Variants in VEPH1 observed in about 807,000 individuals in gnomAD.
VEPH1 encodes ventricular zone-expressed PH domain-containing protein homolog 1.
In VEPH1, 80 loss-of-function variants were observed where a neutral mutation model predicts 85.2. The ratio of observed to expected loss-of-function variants is 0.94; its 90% CI spans 0.78 to 1.13. VEPH1 has a LOEUF of 1.13. VEPH1 is among the 50% of genes most tolerant of loss of function. VEPH1 has a pLI of 0.00. For synonymous variants in VEPH1, 297 were observed against 348.0 expected (o/e 0.85, Z 1.63); for missense variants, 955 against 980.5 (o/e 0.97, Z 0.35).
At chr3:157,392,647 AT>A (rs1402856092) in intron 6 of VEPH1, among the ~76,000 whole-genome samples, 2 of 152,182 alleles carry the variant, frequency 1.3e-5, no homozygotes, top group Non-Finnish European at 2.9e-5. Flanking sequence ...ATATCTCATA[AT>A]GTTTTAAGAA....
At chr3:157,391,163 G>A (rs1247876134) in intron 6 of VEPH1, among the ~76,000 whole-genome samples, 2 of 152,250 alleles carry the variant, frequency 1.3e-5, no homozygotes, top group Non-Finnish European at 2.9e-5. Context: ...AGTAGTGTGA[G>A]TCAAGCACAG....
At chr3:157,369,203 A>AAAAAAAAAAAAAAAAAAAC (rs1432731941) in intron 7 of VEPH1, among the ~76,000 whole-genome samples, 1 of 148,962 alleles carries the variant, frequency 6.7e-6, no homozygotes, top group Non-Finnish European at 1.5e-5. Context: ...AAAAAAAAAA[A>AAAAAAAAAAAAAAAAAAAC]ACCTCCTGAG....
At chr3:157,414,138 A>G in intron 5 of VEPH1, 48 bp from the exon 6 acceptor site, 1 of 1,434,402 alleles carries the variant, frequency 7.0e-7, no homozygotes, top group South Asian at 1.2e-5. Flanking sequence ...GAAGAAAGAG[A>G]AAAGTTAATT....
chr3:157,377,721 C>A (rs899544947), intron 7 of VEPH1, among the ~76,000 whole-genome samples: 5 of 152,116 alleles, frequency 3.3e-5, no homozygotes, highest in African/African-American at 1.2e-4. Context: ...CCTTTGCTGT[C>A]TTCCATGATT....
intron 9 of VEPH1, among the ~76,000 whole-genome samples, chr3:157,336,082 C>T (rs1722940224): frequency 6.6e-6 from 1 of 152,156 alleles, no homozygotes; most frequent in Non-Finnish European, 1.5e-5. Flanking sequence ...TCAATGAGTA[C>T]TAAGAGTGAC....
chr3:157,323,285 G>T lies in VEPH1; in HGVS notation c.1736-6084C>A, dbSNP rs567098564. On this transcript the variant is annotated intron_variant, in intron 9 of 13. Transcript: ENST00000362010. ...AATAATGAATTTGAAATAACTGTTTGAAATTACATCAAATAATTATTCATG... is the reference window on the plus strand; with the variant it reads ...AATAATGAATTTGAAATAACTGTTTTAAATTACATCAAATAATTATTCATG... Among the ~76,000 whole-genome samples the T allele has an allele frequency of 5.9e-5, 9 of 152,278 alleles. No homozygotes were observed. In the South Asian group the frequency reaches 1.9e-3, roughly 32 times the overall value.
intron 12 of VEPH1, among the ~76,000 whole-genome samples, chr3:157,280,038 CAGTAT>C (rs1715899548): frequency 1.4e-5 from 2 of 145,324 alleles, no homozygotes; most frequent in Non-Finnish European, 3.0e-5. Flanking sequence ...AAAAAAGGAC[CAGTAT>C]AGTACCAGTA....
chr3:157,429,706 T>TCCACCTCCTGG (rs1733003129), intron 4 of VEPH1, among the ~76,000 whole-genome samples: 1 of 152,246 alleles, frequency 6.6e-6, no homozygotes, highest in African/African-American at 2.4e-5. Context: ...TTTTGTTTTC[T>TCCACCTCCTGG]GTTTATTTTA....
chr3:157,326,415 T>A (rs1267132141), intron 9 of VEPH1, among the ~76,000 whole-genome samples: 2 of 152,194 alleles, frequency 1.3e-5, no homozygotes, highest in Non-Finnish European at 2.9e-5. Flanking sequence ...GAATTAATTT[T>A]TTTAACTGCC....
intron 9 of VEPH1, among the ~76,000 whole-genome samples, chr3:157,340,682 C>T (rs1038028023): frequency 1.3e-5 from 2 of 152,200 alleles, no homozygotes; most frequent in African/African-American, 4.8e-5. Flanking sequence ...AGTAGTGGTT[C>T]TCCCAGCACG....
chr3:157,351,885 T>C (rs1228274491), intron 9 of VEPH1, among the ~76,000 whole-genome samples: 1 of 152,234 alleles, frequency 6.6e-6, no homozygotes, highest in Non-Finnish European at 1.5e-5. Flanking sequence ...ATTCCTGGGC[T>C]GTATCCACTA....
chr3:157,363,767 G>A lies in VEPH1; in HGVS notation c.1338-6C>T. The A allele has an allele frequency of 1.2e-6, 2 of 1,606,494 alleles. No homozygotes were observed. The highest frequency in any genetic ancestry group is 1.7e-6 in the Non-Finnish European group (2 of 1,175,634). ...GGAAAGCCAAACTTTTTGACCTAGAGTTCAAACAAAGGGAAAGTTAAAGAA... is the reference window on the plus strand; with the variant it reads ...GGAAAGCCAAACTTTTTGACCTAGAATTCAAACAAAGGGAAAGTTAAAGAA... On this transcript the variant is annotated splice_region_variant and splice_polypyrimidine_tract_variant and intron_variant, in intron 8 of 13. Coordinates refer to ENST00000362010, the MANE Select transcript of VEPH1 (RefSeq NM_001167912.2).
At chr3:157,496,689 T>C (rs1739692512) in intron 1 of VEPH1, among the ~76,000 whole-genome samples, 1 of 152,208 alleles carries the variant, frequency 6.6e-6, no homozygotes, top group South Asian at 2.1e-4. Context: ...CTCTGAGCTA[T>C]TGTTGTGAGA....
chr3:157,325,720 C>T lies in VEPH1; in HGVS notation c.1736-8519G>A, dbSNP rs151169553. On this transcript the variant is annotated intron_variant, in intron 9 of 13. Coordinates refer to ENST00000362010, the MANE Select transcript of VEPH1 (RefSeq NM_001167912.2). ...CTGTATGTCTGTTCTTGTACAAGTA[C>T]CATGCTGTTTGGGTTACTGTAGCCT... Among the ~76,000 whole-genome samples the T allele has an allele frequency of 3.6e-3, 552 of 152,234 alleles. 3 individuals carry two copies. Among genetic ancestry groups the T allele is most frequent in the African/African-American group, 0.012 (516 of 41,526 alleles).
intron 6 of VEPH1, among the ~76,000 whole-genome samples, chr3:157,399,439 T>C (rs1443350305): frequency 6.6e-6 from 1 of 152,214 alleles, no homozygotes; most frequent in Non-Finnish European, 1.5e-5. Context: ...TTATTTTAGA[T>C]ATCTAGATAT....
Position 157,381,251 on chromosome 3 carries a change from A to C in VEPH1, c.1032T>G (p.Pro344=). Residue 344 remains proline (P), a synonymous_variant, in exon 7 of 14, where the codon CCT becomes CCG. Coordinates refer to ENST00000362010, the MANE Select transcript of VEPH1 (RefSeq NM_001167912.2). ...ITDTFSSILG[P]QSRDIFRMSN... ...TCATGCGGAAGATGTCTCTGCTCTG[A>C]GGGCCCAAGATTGAGGAGAAGGTGT... 1 of 1,614,034 alleles carries C rather than the reference A, an allele frequency of 6.2e-7. No homozygotes were observed. Among genetic ancestry groups the C allele is most frequent in the Non-Finnish European group, 8.5e-7 (1 of 1,179,970 alleles).
At chr3:157,481,440 A>G (rs1738043026) in intron 2 of VEPH1, among the ~76,000 whole-genome samples, 1 of 64,364 alleles carries the variant, frequency 1.6e-5, no homozygotes, top group South Asian at 5.5e-4. Context: ...CCAAACACAC[A>G]CACACACACA....
chr3:157,454,821 T>C (rs1325413462), intron 4 of VEPH1, among the ~76,000 whole-genome samples: 2 of 152,150 alleles, frequency 1.3e-5, no homozygotes, highest in East Asian at 3.9e-4. Flanking sequence ...ATGTACCCAA[T>C]GATTAGTTCC....
intron 6 of VEPH1, among the ~76,000 whole-genome samples, chr3:157,381,852 T>C (rs1344923286): frequency 6.6e-6 from 1 of 152,224 alleles, no homozygotes; most frequent in Non-Finnish European, 1.5e-5. Flanking sequence ...CCTCTGAGTC[T>C]GCTTCTTTGA....
Sources: allele counts gnomAD v4.1 joint callset (sites outside exome capture counted in the v4.1 genomes callset), GRCh38; gene constraint gnomAD v4.1.1; transcripts MANE v1.5; gene names NCBI Gene and HGNC (gene_info 2026-07-23, HGNC 2026-07-21).